The following VWF variants were observed in gnomAD, a reference collection of about 807,000 sequenced individuals.
VWF encodes the protein Factor VIII related antigen.
A neutral mutation model predicts 308.6 loss-of-function variants in VWF; 176 were observed. The ratio of observed to expected loss-of-function variants is 0.57; its 90% CI spans 0.50 to 0.65. The LOEUF (loss-of-function observed/expected upper bound fraction) is 0.65, where lower values mean the gene tolerates loss of function less well. VWF is among the 30% of genes least tolerant of loss of function. The probability of loss-of-function intolerance (pLI) is 0.00; values close to 1 mark genes in which losing one functional copy is unlikely to be tolerated. For synonymous variants in VWF, 1,385 were observed against 1,443.4 expected (o/e 0.96, Z 0.92); for missense variants, 3,146 against 3,648.2 (o/e 0.86, Z 3.55).
rs1017512370 is a variant in VWF at position 5,984,976 on chromosome 12, C to T, written c.6976+69G>A. 3.3e-6 allele frequency: 5 copies of T among 1,529,036 alleles called. No homozygotes were observed. The African/African-American group carries it at 6.8e-5, about 21-fold the overall frequency. The allele number at this position is 1,529,036 out of a possible 1,614,324, so 94.7% of individuals were successfully genotyped here. On this transcript the variant is annotated intron_variant, in intron 40 of 51. Transcript: ENST00000261405. Reference sequence around the variant, plus strand: ...GCCTGAGAACAGAGACACCTTTCAGCACCTTCAACGTGGTGCCCCCTGGGG... The same window carrying T: ...GCCTGAGAACAGAGACACCTTTCAGTACCTTCAACGTGGTGCCCCCTGGGG...
At chr12:6,119,485 C>T (rs935213552) in intron 3 of VWF, among the ~76,000 whole-genome samples, 1 of 152,176 alleles carries the variant, frequency 6.6e-6, no homozygotes, top group Non-Finnish European at 1.5e-5. Flanking sequence ...CCACCACATG[C>T]AGCACCCTCC....
At chr12:5,993,614 T>G (rs1228089500) in intron 37 of VWF, among the ~76,000 whole-genome samples, 1 of 149,226 alleles carries the variant, frequency 6.7e-6, no homozygotes, top group African/African-American at 2.5e-5. Context: ...AGTGTATGTG[T>G]GTATATATAT....
At chr12:6,101,026 A>G (rs937785768) in intron 5 of VWF, among the ~76,000 whole-genome samples, 1 of 152,334 alleles carries the variant, frequency 6.6e-6, no homozygotes, top group South Asian at 2.1e-4. Flanking sequence ...GAAATTTCAT[A>G]AAAGAACAAG....
intron 6 of VWF, among the ~76,000 whole-genome samples, chr12:6,078,573 C>T (rs897920460): frequency 6.6e-6 from 1 of 152,192 alleles, no homozygotes; most frequent in African/African-American, 2.4e-5. Context: ...CTAGAGAAAA[C>T]CTCAAAAATG....
intron 35 of VWF, 70 bp from the exon 36 acceptor site, chr12:5,994,677 C>G: frequency 7.0e-7 from 1 of 1,436,590 alleles, no homozygotes; most frequent in Non-Finnish European, 9.8e-7. Flanking sequence ...GGGAAGTTAC[C>G]GAGAGTTCCT....
intron 34 of VWF, among the ~76,000 whole-genome samples, chr12:6,002,008 T>G (rs1943877841): frequency 1.3e-5 from 2 of 151,982 alleles, no homozygotes; most frequent in Admixed American, 1.3e-4. Flanking sequence ...TAAAAACAGA[T>G]AGTACAGAAT....
Position 6,062,947 on chromosome 12 carries a change from C to A in VWF, c.1533+7G>T, listed in dbSNP as rs375148917. 2 of 1,610,894 alleles carry A rather than the reference C, an allele frequency of 1.2e-6. No individual in the cohort carries two copies. Among genetic ancestry groups the A allele is most frequent in the Non-Finnish European group, 1.7e-6 (2 of 1,179,248 alleles). On this transcript the variant is annotated splice_region_variant and intron_variant, in intron 13 of 51. Coordinates refer to ENST00000261405, the MANE Select transcript of VWF (RefSeq NM_000552.5). ...GCAGGGAGCCAGTACCCCGTGAGGG[C>A]ACCTACCTTCACCAGCAGCCTCCCG...
Position 5,981,776 on chromosome 12 carries a change from C to T in VWF, c.7287+10G>A, listed in dbSNP as rs761031669. The T allele has an allele frequency of 3.7e-6, 6 of 1,613,754 alleles. No homozygotes were observed. In the Admixed American group the frequency reaches 5.0e-5, roughly 13 times the overall value. ...TATTAACTGATAGTTAATAGCCAAG[C>T]AGTCCTTACCTTGTCGGGAAGGCAG... On this transcript the variant is annotated intron_variant, in intron 42 of 51. Coordinates refer to ENST00000261405, the MANE Select transcript of VWF (RefSeq NM_000552.5).
At position 5,960,424 on chromosome 12, in the gene VWF, A is replaced by G. The variant is rs1436432795; in HGVS notation, c.7888-6830T>C. On this transcript the variant is annotated intron_variant, in intron 47 of 51. Coordinates refer to ENST00000261405, the MANE Select transcript of VWF (RefSeq NM_000552.5). ...AAGCTTCACTGATGAAATCTGCCAA[A>G]CATTTTAGGAAGAAATAATACCAAT... is the stretch of plus-strand genomic sequence containing the variant. Among the ~76,000 whole-genome samples, 4 of 152,322 alleles carry G rather than the reference A, an allele frequency of 2.6e-5. No individual in the cohort carries two copies. In the South Asian group the frequency reaches 8.3e-4, roughly 32 times the overall value.
chr12:6,090,453 G>A (rs1229400042), intron 6 of VWF, among the ~76,000 whole-genome samples: 2 of 152,142 alleles, frequency 1.3e-5, no homozygotes, highest in African/African-American at 4.8e-5. Context: ...TAGTTGCGAG[G>A]GGGAAGGAGA....
chr12:6,056,714 T>G, intron 15 of VWF, 143 bp downstream of exon 15: 1 of 703,626 alleles, frequency 1.4e-6, no homozygotes, highest in Non-Finnish European at 2.0e-6. Flanking sequence ...TGGGTGCAAA[T>G]GAACCGTCCT....
Position 6,021,642 on chromosome 12 carries a change from A to T in VWF, c.3674+258T>A, listed in dbSNP as rs1418097010. Reference sequence around the variant, plus strand: ...AAAACCTGTTAGGACTTAAAAACCTATTAAGAGCAAAAACACTGTGGAGGA... The same window carrying T: ...AAAACCTGTTAGGACTTAAAAACCTTTTAAGAGCAAAAACACTGTGGAGGA... On this transcript the variant is annotated intron_variant, in intron 27 of 51. Transcript: ENST00000261405. 21 of 462,378 alleles carry T rather than the reference A, an allele frequency of 4.5e-5. No homozygotes were observed. The East Asian group carries it at 7.7e-4, about 17-fold the overall frequency. The allele number at this position is 462,378 out of a possible 1,614,324, so 28.6% of individuals were successfully genotyped here. A position where few individuals can be genotyped will look rare whatever the true frequency, so the allele number is the denominator to read the frequency against.
intron 20 of VWF, among the ~76,000 whole-genome samples, chr12:6,032,795 C>A (rs1052585545): frequency 6.6e-6 from 1 of 151,950 alleles, no homozygotes; most frequent in Non-Finnish European, 1.5e-5. Context: ...CACACATATA[C>A]ATACATCTAT....
Position 5,983,175 on chromosome 12 carries a change from G to A in VWF, c.7056C>T (p.Gly2352=), listed in dbSNP as rs746482504. Residue 2352 remains glycine (G), a synonymous_variant, in exon 41 of 52, where the codon GGC becomes GGT. Transcript: ENST00000261405. The part of the protein sequence containing the change: ...RGLQPTLTNP[G]ECRPNFTCAC... ...CGCAGGTGAAGTTGGGTCTGCACTC[G>A]CCAGGGTTGGTCAGTGTGGGCTGGA... 5.0e-6 allele frequency: 8 copies of A among 1,613,814 alleles called. No homozygotes were observed. The highest frequency in any genetic ancestry group is 1.1e-5 in the South Asian group (1 of 91,014).
chr12:5,985,787 A>C, intron 38 of VWF, 122 bp from the exon 39 acceptor site: 1 of 900,814 alleles, frequency 1.1e-6, no homozygotes, highest in Admixed American at 2.0e-5. Flanking sequence ...CCTCTGACAG[A>C]GCCTCACAGG....
intron 47 of VWF, among the ~76,000 whole-genome samples, chr12:5,955,191 G>T (rs1943233679): frequency 6.6e-6 from 1 of 151,970 alleles, no homozygotes; most frequent in Non-Finnish European, 1.5e-5. Context: ...CACAGAAATG[G>T]CCCCAGTATT....
chr12:6,111,291 G>T (rs1281240785), intron 3 of VWF, among the ~76,000 whole-genome samples: 3 of 152,188 alleles, frequency 2.0e-5, no homozygotes, highest in African/African-American at 7.2e-5. Context: ...TGCGACAATT[G>T]AGTATATTGT....
At chr12:6,068,508 T>C (rs1944743850) in intron 10 of VWF, among the ~76,000 whole-genome samples, 1 of 152,098 alleles carries the variant, frequency 6.6e-6, no homozygotes, top group African/African-American at 2.4e-5. Flanking sequence ...CTCGCTCTGT[T>C]GCCCGGCGTG....
At chr12:6,086,988 C>T (rs1327389382) in intron 6 of VWF, among the ~76,000 whole-genome samples, 2 of 152,018 alleles carry the variant, frequency 1.3e-5, no homozygotes, top group Non-Finnish European at 2.9e-5. Context: ...TCAGAGGAGG[C>T]GGAAAGAGTT....
Sources: gnomAD v4.1 joint callset for allele counts (sites outside exome capture counted in the v4.1 genomes callset) on GRCh38, gnomAD v4.1.1 for gene constraint, MANE v1.5 for transcripts, NCBI Gene and HGNC (gene_info 2026-07-23, HGNC 2026-07-21) for gene names.